CLSTN2: variants seen among roughly 807,000 people sequenced by gnomAD.
CLSTN2 encodes calsyntenin-2.
A neutral mutation model predicts 101.2 loss-of-function variants in CLSTN2; 48 were observed. The ratio of observed to expected loss-of-function variants is 0.47; its 90% CI spans 0.38 to 0.60. The LOEUF is 0.60. CLSTN2 is among the 20% of genes least tolerant of loss of function. CLSTN2 has a pLI of 0.00. For synonymous variants in CLSTN2, 481 were observed against 463.6 expected (o/e 1.04, Z -0.48); for missense variants, 1,160 against 1,238.2 (o/e 0.94, Z 0.95).
intron 1 of CLSTN2, among the ~76,000 whole-genome samples, chr3:140,097,946 C>CAAATATTTA (rs2008899323): frequency 6.6e-6 from 1 of 151,952 alleles, no homozygotes; most frequent in Non-Finnish European, 1.5e-5. Context: ...GCTATTCGTC[C>CAAATATTTA]CAGAGAAATG....
At chr3:140,154,880 G>A (rs1261728415) in intron 1 of CLSTN2, among the ~76,000 whole-genome samples, 2 of 151,930 alleles carry the variant, frequency 1.3e-5, no homozygotes, top group Non-Finnish European at 2.9e-5. Flanking sequence ...TCCTGACCTC[G>A]TGATCCGCCC....
chr3:140,111,866 C>T (rs1265772007), intron 1 of CLSTN2, among the ~76,000 whole-genome samples: 1 of 152,170 alleles, frequency 6.6e-6, no homozygotes, highest in African/African-American at 2.4e-5. Context: ...TTTAGAACAT[C>T]CCTGGAAGGT....
At chr3:140,508,191 A>C (rs1934721752) in intron 8 of CLSTN2, 1 of 152,178 alleles carries the variant, frequency 6.6e-6, no homozygotes, top group South Asian at 2.1e-4. Flanking sequence ...CTTCTAACCA[A>C]AACCCTCTGT....
chr3:140,341,711 C>A (rs1025647045), intron 2 of CLSTN2, among the ~76,000 whole-genome samples: 23 of 152,160 alleles, frequency 1.5e-4, no homozygotes, highest in African/African-American at 5.1e-4. Context: ...GGGCCCCACA[C>A]CTCCAGTGGC....
At chr3:140,227,385 G>A (rs1466120324) in intron 2 of CLSTN2, among the ~76,000 whole-genome samples, 1 of 152,248 alleles carries the variant, frequency 6.6e-6, no homozygotes, top group Non-Finnish European at 1.5e-5. Context: ...TCAAGCTGAT[G>A]CAAGAAGTTG....
intron 8 of CLSTN2, among the ~76,000 whole-genome samples, chr3:140,492,086 T>A (rs564000721): frequency 6.6e-6 from 1 of 152,134 alleles, no homozygotes; most frequent in South Asian, 2.1e-4. Flanking sequence ...TCATTATATG[T>A]TGGGGAAATG....
intron 6 of CLSTN2, among the ~76,000 whole-genome samples, chr3:140,453,777 T>C (rs1462406689): frequency 2.0e-5 from 3 of 152,298 alleles, no homozygotes; most frequent in South Asian, 4.2e-4. Flanking sequence ...GTAAAAAAAT[T>C]CAATCTTCTG....
chr3:139,987,296 A>G (rs1936041825), intron 1 of CLSTN2, among the ~76,000 whole-genome samples: 1 of 152,236 alleles, frequency 6.6e-6, no homozygotes, highest in Admixed American at 6.5e-5. Flanking sequence ...ATACCCCTGC[A>G]TTCAGTAATT....
chr3:140,329,170 T>G (rs13322973), intron 2 of CLSTN2, among the ~76,000 whole-genome samples: 3 of 152,150 alleles, frequency 2.0e-5, no homozygotes, highest in Non-Finnish European at 2.9e-5. Flanking sequence ...GTGGCTCACC[T>G]GAGGTCGGGA....
chr3:140,395,673 T>C (rs1016795387), intron 2 of CLSTN2, among the ~76,000 whole-genome samples: 1 of 152,256 alleles, frequency 6.6e-6, no homozygotes. Context: ...AATATGGATT[T>C]ATTTCTACAT....
At chr3:140,040,763 A>C (rs75458401) in intron 1 of CLSTN2, among the ~76,000 whole-genome samples, 2,702 of 152,246 alleles carry the variant, frequency 0.018, 74 homozygotes, top group African/African-American at 0.055. Flanking sequence ...GGAAAGAGAA[A>C]AAGAATAAAG....
At chr3:140,117,432 T>G (rs902383121) in intron 1 of CLSTN2, among the ~76,000 whole-genome samples, 1 of 152,136 alleles carries the variant, frequency 6.6e-6, no homozygotes, top group Non-Finnish European at 1.5e-5. Flanking sequence ...GAGCTAACAG[T>G]ACCTCCCACC....
intron 1 of CLSTN2, among the ~76,000 whole-genome samples, chr3:140,058,732 G>T (rs1157572712): frequency 2.6e-5 from 4 of 152,134 alleles, no homozygotes; most frequent in African/African-American, 7.2e-5. Flanking sequence ...GACTCTGGGG[G>T]GCCTTGAAGG....
intron 1 of CLSTN2, among the ~76,000 whole-genome samples, chr3:140,099,604 C>G (rs1278755773): frequency 6.6e-6 from 1 of 152,186 alleles, no homozygotes; most frequent in Non-Finnish European, 1.5e-5. Flanking sequence ...ATTCAACTCA[C>G]TACAACTTCC....
At chr3:140,332,720 AAT>A (rs1269267736) in intron 2 of CLSTN2, among the ~76,000 whole-genome samples, 3 of 137,144 alleles carry the variant, frequency 2.2e-5, no homozygotes, top group Non-Finnish European at 5.0e-5. Context: ...AAAAAAAAAA[AAT>A]TATAGGAAGG....
intron 1 of CLSTN2, among the ~76,000 whole-genome samples, chr3:139,986,548 T>C (rs545568937): frequency 6.6e-6 from 1 of 152,302 alleles, no homozygotes; most frequent in South Asian, 2.1e-4. Flanking sequence ...AACATTAAGC[T>C]TTCTATCATG....
At chr3:140,466,425 C>T (rs1439801343) in intron 7 of CLSTN2, among the ~76,000 whole-genome samples, 185 bp from the exon 8 acceptor site, 1 of 152,140 alleles carries the variant, frequency 6.6e-6, no homozygotes, top group Admixed American at 6.5e-5. Flanking sequence ...TCTTCCTCTT[C>T]CACTTTGGAA....
At chr3:139,976,818 G>A (rs893541212) in intron 1 of CLSTN2, among the ~76,000 whole-genome samples, 5 of 152,222 alleles carry the variant, frequency 3.3e-5, no homozygotes, top group African/African-American at 1.2e-4. Flanking sequence ...ACTTCTGTGT[G>A]TGCATTGATG....
intron 1 of CLSTN2, among the ~76,000 whole-genome samples, chr3:140,095,363 C>T (rs1042754076): frequency 2.0e-5 from 3 of 152,204 alleles, no homozygotes; most frequent in Admixed American, 6.5e-5. Flanking sequence ...TATTTCGATA[C>T]TCCAGATTGC....
Sources: gnomAD v4.1 joint callset for allele counts (sites outside exome capture counted in the v4.1 genomes callset) on GRCh38, gnomAD v4.1.1 for gene constraint, MANE v1.5 for transcripts, NCBI Gene and HGNC (gene_info 2026-07-23, HGNC 2026-07-21) for gene names.